Variants in ADGRB3 observed in about 807,000 individuals in gnomAD.
ADGRB3 encodes the protein brain-specific angiogenesis inhibitor 3.
ADGRB3 carries 37 observed loss-of-function variants against 193.4 expected under a neutral mutation model. The ratio of observed to expected loss-of-function variants is 0.19; its 90% CI spans 0.15 to 0.25. The LOEUF is 0.25. Among genes scored for constraint, ADGRB3 ranks in the 10% least tolerant of loss-of-function variants. The pLI, the probability that ADGRB3 is intolerant of heterozygous loss-of-function variation, is 1.00. For missense variants in ADGRB3, 1,637 were observed against 1,852.9 expected, an observed-to-expected ratio of 0.88 and a Z score of 2.14; for synonymous variants, 690 against 644.2, an observed-to-expected ratio of 1.07 and a Z score of -1.08.
chr6:69,031,060 TCTTCTCTTCTCTTCTCTTC>T (rs1770654824), intron 13 of ADGRB3, among the ~76,000 whole-genome samples: 1 of 46,896 alleles, frequency 2.1e-5, no homozygotes, highest in South Asian at 6.3e-4. Flanking sequence ...TCTTCTCTTC[TCTTCTCTTCTCTTCTCTTC>T]TCTTCTCTTC....
intron 31 of ADGRB3, among the ~76,000 whole-genome samples, chr6:69,384,959 T>TA (rs1770034181): frequency 1.2e-5 from 1 of 85,038 alleles, no homozygotes; most frequent in Non-Finnish European, 2.4e-5. Context: ...TCTTTTCTTT[T>TA]CTTTTTTTTT....
intron 3 of ADGRB3, among the ~76,000 whole-genome samples, chr6:68,763,850 A>C (rs1766459620): frequency 6.6e-6 from 1 of 152,108 alleles, no homozygotes; most frequent in South Asian, 2.1e-4. Context: ...AGGCAGGCTG[A>C]TTGCTTGAGC....
intron 20 of ADGRB3, among the ~76,000 whole-genome samples, chr6:69,271,477 A>G (rs1047336741): frequency 6.6e-5 from 10 of 152,216 alleles, no homozygotes; most frequent in African/African-American, 2.2e-4. Flanking sequence ...GGAGAAAATT[A>G]AAGTTTTTAA....
intron 17 of ADGRB3, among the ~76,000 whole-genome samples, chr6:69,160,815 A>G (rs183931699): frequency 6.6e-6 from 1 of 152,134 alleles, no homozygotes; most frequent in Admixed American, 6.6e-5. Context: ...AGAGTAAAGA[A>G]TAGTTTTATA....
At chr6:69,115,741 A>G (rs1373649981) in intron 17 of ADGRB3, among the ~76,000 whole-genome samples, 2 of 152,204 alleles carry the variant, frequency 1.3e-5, no homozygotes. Flanking sequence ...CAGTTAGCTG[A>G]TGGCTTCCCC....
chr6:69,153,518 G>A (rs1012702546), intron 17 of ADGRB3, among the ~76,000 whole-genome samples: 6 of 152,138 alleles, frequency 3.9e-5, no homozygotes, highest in Non-Finnish European at 7.4e-5. Context: ...CCCTTTCACA[G>A]AAATGGGTAG....
intron 3 of ADGRB3, among the ~76,000 whole-genome samples, chr6:68,895,915 ATTAT>A (rs2150230897): frequency 6.6e-6 from 1 of 152,184 alleles, no homozygotes; most frequent in South Asian, 2.1e-4. Context: ...AAAATTTATG[ATTAT>A]TTATTATTAA....
intron 3 of ADGRB3, among the ~76,000 whole-genome samples, chr6:68,713,701 T>C (rs1469611413): frequency 6.6e-6 from 1 of 151,600 alleles, no homozygotes; most frequent in Non-Finnish European, 1.5e-5. Flanking sequence ...TTCTTTAGAC[T>C]GAACACTCCA....
chr6:69,058,898 T>C (rs1414345855), intron 15 of ADGRB3, among the ~76,000 whole-genome samples: 1 of 152,098 alleles, frequency 6.6e-6, no homozygotes, highest in Admixed American at 6.6e-5. Context: ...CTGTCTGCCC[T>C]TGAGAAGAAT....
chr6:68,917,122 A>T (rs930122864), intron 3 of ADGRB3, among the ~76,000 whole-genome samples: 3 of 152,160 alleles, frequency 2.0e-5, no homozygotes, highest in Admixed American at 2.0e-4. Flanking sequence ...GATTTTACAG[A>T]TTTGGAAAAG....
In ADGRB3 at chr6:69,137,640, T is replaced by C. The variant is rs140597939; in HGVS notation, c.2480+61602T>C. ...GATGAAACCCCATCTCTACTAAAAA[T>C]ACAAAAATTAGCCGGGCATGGTGGC... On this transcript the variant is annotated intron_variant, in intron 17 of 31. Coordinates refer to ENST00000370598, the MANE Select transcript of ADGRB3 (RefSeq NM_001704.3). Among the ~76,000 whole-genome samples, 13 of 151,960 alleles carry C rather than the reference T, an allele frequency of 8.6e-5. No homozygotes were observed. In the East Asian group the frequency reaches 2.3e-3, roughly 27 times the overall value.
rs552098072 is a variant in ADGRB3, at chr6:68,793,745, T to C, written c.758-136814T>C. Among the ~76,000 whole-genome samples, 215 of 152,230 alleles carry C rather than the reference T, an allele frequency of 1.4e-3. 2 individuals are homozygous for C. Among genetic ancestry groups the C allele is most frequent in the African/African-American group, 5.1e-3 (210 of 41,554 alleles). On this transcript the variant is annotated intron_variant, in intron 3 of 31. Coordinates refer to ENST00000370598, the MANE Select transcript of ADGRB3 (RefSeq NM_001704.3). Reference sequence around the variant, plus strand: ...GGTTTACCCCTGTTGGCCAGATTGGTCTCAAACTCCTGACCTCATATGATC... The same window carrying C: ...GGTTTACCCCTGTTGGCCAGATTGGCCTCAAACTCCTGACCTCATATGATC...
chr6:69,307,710 G>T (rs1485341588), intron 20 of ADGRB3, among the ~76,000 whole-genome samples: 4 of 151,188 alleles, frequency 2.6e-5, no homozygotes, highest in Non-Finnish European at 5.9e-5. Flanking sequence ...CATGTCTTGG[G>T]TTCAAGATCT....
chr6:68,982,755 A>G (rs1768956866), intron 10 of ADGRB3, among the ~76,000 whole-genome samples: 2 of 152,284 alleles, frequency 1.3e-5, no homozygotes, highest in Middle Eastern at 6.8e-3. Flanking sequence ...AAATCTCAGC[A>G]GGATTTTTAG....
chr6:68,993,117 TA>T (rs1769285926), intron 10 of ADGRB3, among the ~76,000 whole-genome samples: 1 of 152,124 alleles, frequency 6.6e-6, no homozygotes, highest in Non-Finnish European at 1.5e-5. Flanking sequence ...ACCATCAAAC[TA>T]ATTTAAGCTT....
intron 20 of ADGRB3, among the ~76,000 whole-genome samples, chr6:69,242,008 T>A (rs1766394387): frequency 6.6e-6 from 1 of 151,924 alleles, no homozygotes; most frequent in Non-Finnish European, 1.5e-5. Flanking sequence ...ACTGGAATTT[T>A]ATTCTTAGTC....
Position 68,635,716 on chromosome 6 carries a change from C to G in ADGRB3, c.-472C>G, listed in dbSNP as rs867977789. On this transcript the variant is annotated 5_prime_UTR_variant, in exon 1 of 32. Coordinates refer to ENST00000370598, the MANE Select transcript of ADGRB3 (RefSeq NM_001704.3). ...GGGGGCTTCTCCCTCCCTTTAGCCC[C>G]CCTCGGTTTGGAGGTTGGATTCAGT... 1 of 152,332 alleles carries G rather than the reference C, an allele frequency of 6.6e-6. No individual in the cohort carries two copies. The highest frequency in any genetic ancestry group is 2.4e-5 in the African/African-American group (1 of 41,408). The allele number at this position is 152,332 out of a possible 1,614,324, so 9.4% of individuals were successfully genotyped here.
At chr6:68,920,773 A>G (rs1034379831) in intron 3 of ADGRB3, among the ~76,000 whole-genome samples, 1 of 152,008 alleles carries the variant, frequency 6.6e-6, no homozygotes, top group African/African-American at 2.4e-5. Flanking sequence ...GAATCCAAAA[A>G]AGAAGACAAA....
chr6:69,035,731 A>G lies in ADGRB3; in HGVS notation c.2108-12454A>G, dbSNP rs1047638726. Among the ~76,000 whole-genome samples, 106 of 152,288 alleles carry G rather than the reference A, an allele frequency of 7.0e-4. 1 individual carries two copies. Among genetic ancestry groups the G allele is most frequent in the African/African-American group, 2.4e-3 (101 of 41,576 alleles). ...GTTGTTTTAATTTAGATAGGGTCTGATGGCCTAATGTGTGACAGTCAAGGT... is the reference window on the plus strand; with the variant it reads ...GTTGTTTTAATTTAGATAGGGTCTGGTGGCCTAATGTGTGACAGTCAAGGT... On this transcript the variant is annotated intron_variant, in intron 13 of 31. Coordinates refer to ENST00000370598, the MANE Select transcript of ADGRB3 (RefSeq NM_001704.3).
Sources: allele counts gnomAD v4.1 joint callset (sites outside exome capture counted in the v4.1 genomes callset), GRCh38; gene constraint gnomAD v4.1.1; transcripts MANE v1.5; gene names NCBI Gene and HGNC (gene_info 2026-07-23, HGNC 2026-07-21).